Variants in ITGAX observed in about 807,000 individuals in gnomAD.
ITGAX encodes integrin alpha-X.
ITGAX carries 99 observed loss-of-function variants against 140.2 expected under a neutral mutation model. The observed-to-expected ratio is 0.71, with a 90% CI of 0.60 to 0.83. The LOEUF is 0.83. Among genes scored for constraint, ITGAX ranks in the 40% least tolerant of loss-of-function variants. The pLI, the probability that ITGAX is intolerant of heterozygous loss-of-function variation, is 0.00. For missense variants in ITGAX, 1,444 were observed against 1,482.0 expected (o/e 0.97, Z 0.42); for synonymous variants, 631 against 600.4 (o/e 1.05, Z -0.75).
In ITGAX at chr16:31,373,306, G is replaced by C; in HGVS notation, c.2424G>C (p.Trp808Cys). Residue 808 changes from tryptophan to cysteine, a missense_variant, in exon 20 of 30, where the codon TGG (tryptophan) becomes TGC (cysteine). Physicochemically the swap from Trp to Cys is radical, Grantham distance 215. Coordinates refer to ENST00000268296, the MANE Select transcript of ITGAX (RefSeq NM_000887.5). The part of the protein sequence containing the change: ...NLELNAEVMV[W>C]NDGEDSYGTT... ...AGCTGAACGCAGAAGTGATGGTGTG[G>C]AATGACGGGGAAGACTCCTACGGAA... 1 of 1,613,912 alleles carries C rather than the reference G, an allele frequency of 6.2e-7. No individual in the cohort carries two copies. The highest frequency in any genetic ancestry group is 1.1e-5 in the South Asian group (1 of 91,048).
Position 31,369,972 on chromosome 16 carries a change from T to A in ITGAX, c.1711-1112T>A, listed in dbSNP as rs565023328. The A allele has an allele frequency of 2.0e-5, 3 of 152,164 alleles. No homozygotes were observed. In the East Asian group the frequency reaches 5.8e-4, roughly 29 times the overall value. The allele number at this position is 152,164 out of a possible 1,614,324, so 9.4% of individuals were successfully genotyped here. On this transcript the variant is annotated intron_variant, in intron 14 of 29. Transcript: ENST00000268296. ...CTGCCCATTATTATTACCTTTTTTT[T>A]TGAGACAGAGTCTCGCTCTGTCACC... is the stretch of plus-strand genomic sequence containing the variant.
chr16:31,359,407 G>GC (rs1482597452), intron 5 of ITGAX, among the ~76,000 whole-genome samples: 1 of 151,880 alleles, frequency 6.6e-6, no homozygotes, highest in Non-Finnish European at 1.5e-5. Context: ...CTCGTGATCC[G>GC]CCCCCCTCGG....
At chr16:31,371,948 C>T (rs965962762) in intron 17 of ITGAX, among the ~76,000 whole-genome samples, 164 bp downstream of exon 17, 1 of 152,154 alleles carries the variant, frequency 6.6e-6, no homozygotes, top group Non-Finnish European at 1.5e-5. Flanking sequence ...AGTGAGCGAG[C>T]AAACAAGTGA....
At chr16:31,361,031 A>G (rs1479387214) in intron 8 of ITGAX, 32 bp from the exon 9 acceptor site, 1 of 1,605,518 alleles carries the variant, frequency 6.2e-7, no homozygotes, top group African/African-American at 1.3e-5. Context: ...TTGATTTATT[A>G]TTTTTACTGA....
In ITGAX at chr16:31,380,061, T is replaced by A; in HGVS notation, c.3056T>A (p.Val1019Glu). 1.2e-6 allele frequency: 2 copies of A among 1,614,054 alleles called. No homozygotes were observed. The highest frequency in any genetic ancestry group is 1.7e-6 in the Non-Finnish European group (2 of 1,179,930). The change falls in exon 26 of 30, where the codon GTG (valine) becomes GAG (glutamate). Residue 1019 changes from valine to glutamate, a missense_variant. Coordinates refer to ENST00000268296, the MANE Select transcript of ITGAX (RefSeq NM_000887.5). ...DFLAHIQKNPVLDCSIAGCLR... is the reference protein window; with the variant it reads ...DFLAHIQKNPELDCSIAGCLR... ...CTGGCGCACATTCAGAAGAATCCCG[T>A]GCTGGTGAGGAGGGCTCTGGGCTGG...
chr16:31,363,533 G>A (rs185660751), intron 14 of ITGAX, among the ~76,000 whole-genome samples, 159 bp downstream of exon 14: 22 of 152,272 alleles, frequency 1.4e-4, no homozygotes, highest in Admixed American at 3.9e-4. Context: ...TGCAACCTCC[G>A]CCTCCCAGGT....
intron 19 of ITGAX, among the ~76,000 whole-genome samples, chr16:31,372,875 A>G (rs1262199305): frequency 2.0e-5 from 3 of 152,042 alleles, no homozygotes; most frequent in African/African-American, 7.2e-5. Context: ...GTTAGGGATC[A>G]GCCTGGGCAA....
rs781257815 is a variant in ITGAX at position 31,359,703 on chromosome 16, G to T, written c.434G>T (p.Cys145Phe). 3 of 1,614,040 alleles carry T rather than the reference G, an allele frequency of 1.9e-6. No individual in the cohort carries two copies. Among genetic ancestry groups the T allele is most frequent in the Non-Finnish European group, 1.7e-6 (2 of 1,179,990 alleles). The part of the protein sequence containing the change: ...TQRLPVSRQE[C>F]PRQEQDIVFL... ...CCGGTGCCACCTCCTTCCCCAGAGT[G>T]CCCAAGACAGGAGCAGGACATTGTG... The change falls in exon 6 of 30, where the codon TGC becomes TTC. Residue 145 changes from cysteine (C) to phenylalanine (F), a missense_variant. Transcript: ENST00000268296.
At chr16:31,357,577 G>A in intron 5 of ITGAX, 1 of 542,624 alleles carries the variant, frequency 1.8e-6, no homozygotes, top group South Asian at 2.6e-5. Flanking sequence ...ACCTCTCCAA[G>A]CCTCAGTTTC....
intron 10 of ITGAX, 78 bp from the exon 11 acceptor site, chr16:31,361,988 TAAGAGGCGC>T: frequency 1.9e-6 from 3 of 1,611,990 alleles, no homozygotes; most frequent in Non-Finnish European, 2.5e-6. Flanking sequence ...GTCAGGTGGG[TAAGAGGCGC>T]AGGCGGAAGG....
At position 31,363,133 on chromosome 16, in the gene ITGAX, G is replaced by A. The variant is rs2080854146; in HGVS notation, c.1501-32G>A. On this transcript the variant is annotated intron_variant, in intron 13 of 29. Transcript: ENST00000268296. ...TCTGGTGTGGGTGGAGGGGTTGCCC[G>A]GGTTGGGCCTGGCACTGCTTTTTTT... 6 of 1,607,002 alleles carry A rather than the reference G, an allele frequency of 3.7e-6. 1 individual carries two copies. The South Asian group carries it at 4.4e-5, about 12-fold the overall frequency.
In ITGAX at chr16:31,382,540, T is replaced by C. The variant is rs1367825620; in HGVS notation, c.*633T>C. Reference sequence around the variant, plus strand: ...AGAAGTCCCCTTCCATCCCAGAGGGTGGGCTTCAGGGCGCACAGCATGAGA... The same window carrying C: ...AGAAGTCCCCTTCCATCCCAGAGGGCGGGCTTCAGGGCGCACAGCATGAGA... On this transcript the variant is annotated 3_prime_UTR_variant, in exon 30 of 30. Coordinates refer to ENST00000268296, the MANE Select transcript of ITGAX (RefSeq NM_000887.5). 2 of 1,137,038 alleles carry C rather than the reference T, an allele frequency of 1.8e-6. No individual in the cohort carries two copies. The highest frequency in any genetic ancestry group is 2.6e-6 in the Non-Finnish European group (2 of 782,406). The allele number at this position is 1,137,038 out of a possible 1,614,324, so 70.4% of individuals were successfully genotyped here. A position where few individuals can be genotyped will look rare whatever the true frequency, so the allele number is the denominator to read the frequency against.
At chr16:31,374,532 T>G (rs556230055) in intron 20 of ITGAX, among the ~76,000 whole-genome samples, 1 of 152,092 alleles carries the variant, frequency 6.6e-6, no homozygotes, top group Non-Finnish European at 1.5e-5. Flanking sequence ...CTTGACCTCC[T>G]GGGCTCAAGC....
At chr16:31,359,539 CTGA>C (rs2142484869) in intron 5 of ITGAX, among the ~76,000 whole-genome samples, 158 bp from the exon 6 acceptor site, 1 of 152,306 alleles carries the variant, frequency 6.6e-6, no homozygotes, top group African/African-American at 2.4e-5. Context: ...AGCTCTGCCC[CTGA>C]TGAGGAGAGG....
chr16:31,363,936 A>G (rs2080865326), intron 14 of ITGAX, among the ~76,000 whole-genome samples: 2 of 152,090 alleles, frequency 1.3e-5, no homozygotes, highest in South Asian at 4.1e-4. Context: ...CTCACCACTT[A>G]GGTCCAGTCA....
At chr16:31,359,646 G>A (rs1597063307) in intron 5 of ITGAX, 54 bp from the exon 6 acceptor site, 3 of 1,591,158 alleles carry the variant, frequency 1.9e-6, no homozygotes, top group East Asian at 4.5e-5. Flanking sequence ...AGGAGGCCAC[G>A]GTCCTGGACT....
Position 31,380,576 on chromosome 16 carries a change from A to G in ITGAX, c.3228A>G (p.Thr1076=). ...VVSVAEITFD[T]SVYSQLPGQE... ...GTGTGGCTGAAATTACGTTCGACAC[A>G]TCCGTGTACTCCCAGCTTCCAGGAC... is the stretch of plus-strand genomic sequence containing the variant. Residue 1076 remains threonine (T), a synonymous_variant, in exon 28 of 30, where the codon ACA becomes ACG. Coordinates refer to ENST00000268296, the MANE Select transcript of ITGAX (RefSeq NM_000887.5). 2 of 1,614,244 alleles carry G rather than the reference A, an allele frequency of 1.2e-6. No homozygotes were observed. The highest frequency in any genetic ancestry group is 1.7e-6 in the Non-Finnish European group (2 of 1,180,050).
chr16:31,367,249 A>G (rs2080901410), intron 14 of ITGAX, among the ~76,000 whole-genome samples: 1 of 152,244 alleles, frequency 6.6e-6, no homozygotes. Flanking sequence ...TGAAGCAGCA[A>G]GTACAGATGG....
rs775268837 is a variant in ITGAX, at chr16:31,371,388, C to G, written c.1896C>G (p.Ile632Met). ...GVSMQFIPAE[I>M]PRSAFECREQ... ...GCATGCAGTTCATACCTGCCGAGAT[C>G]CCCAGGTCTGCGTTTGAGTGTCGGG... Residue 632 changes from isoleucine (I) to methionine (M), a missense_variant, in exon 16 of 30, where the codon ATC becomes ATG. Physicochemically the swap from Ile to Met is conservative, Grantham distance 10. Coordinates refer to ENST00000268296, the MANE Select transcript of ITGAX (RefSeq NM_000887.5). The G allele has an allele frequency of 2.5e-6, 4 of 1,614,070 alleles. No homozygotes were observed. Among genetic ancestry groups the G allele is most frequent in the Admixed American group, 3.3e-5 (2 of 60,008 alleles).
Sources: allele counts gnomAD v4.1 joint callset (sites outside exome capture counted in the v4.1 genomes callset), GRCh38; gene constraint gnomAD v4.1.1; transcripts MANE v1.5; gene names NCBI Gene and HGNC (gene_info 2026-07-23, HGNC 2026-07-21).